Variants in KIF13A observed in about 807,000 individuals in gnomAD.
KIF13A encodes kinesin-like protein KIF13A.
Under a neutral mutation model 212.2 loss-of-function variants are expected in KIF13A, and 79 were observed. The ratio of observed to expected loss-of-function variants is 0.37; its 90% confidence interval spans 0.31 to 0.45. KIF13A has a LOEUF of 0.45. KIF13A is among the 20% of genes least tolerant of loss of function. The probability of loss-of-function intolerance (pLI) is 1.00; values close to 1 mark genes in which losing one functional copy is unlikely to be tolerated. For missense variants in KIF13A, 1,901 were observed against 2,209.0 expected, an observed-to-expected ratio of 0.86 and a Z score of 2.79; for synonymous variants, 789 against 808.6, an observed-to-expected ratio of 0.98 and a Z score of 0.41.
chr6:17,777,225 C>T lies in KIF13A; in HGVS notation c.4170+52G>A. ...GTGTGAATCCCACCTTCCCCCACCC[C>T]AGAGGCTGCGACATGTCACATAGGA... On this transcript the variant is annotated intron_variant, in intron 34 of 38. Transcript: ENST00000259711. This position sits in a 1 kb window ranked among gnomAD's most constrained non-coding sequence, Gnocchi z 4.4. 1.0e-5 allele frequency: 15 copies of T among 1,446,496 alleles called. No individual in the cohort carries two copies. Among genetic ancestry groups the T allele is most frequent in the Non-Finnish European group, 1.4e-5 (15 of 1,041,214 alleles). The allele number at this position is 1,446,496 out of a possible 1,614,324, so 89.6% of individuals were successfully genotyped here. A position where few individuals can be genotyped will look rare whatever the true frequency, so the allele number is the denominator to read the frequency against.
At chr6:17,810,924 T>C (rs1245642440) in intron 17 of KIF13A, among the ~76,000 whole-genome samples, 2 of 152,220 alleles carry the variant, frequency 1.3e-5, no homozygotes, top group Non-Finnish European at 2.9e-5. Context: ...ATTCACCTCC[T>C]GCTGTGCAGC....
rs1179321695 is a variant in KIF13A at position 17,795,788 on chromosome 6, C to T, written c.2942+881G>A. 2.6e-5 allele frequency among the ~76,000 whole-genome samples: 4 copies of T among 152,128 alleles called. No individual in the cohort carries two copies. The East Asian group carries it at 5.8e-4, about 22-fold the overall frequency. On this transcript the variant is annotated intron_variant, in intron 23 of 38. Coordinates refer to ENST00000259711, the MANE Select transcript of KIF13A (RefSeq NM_022113.6). ...TTTCATAGTGGTCTTTTGATGAGCA[C>T]ATGCTTTTAATTTTGATTAAGTCCA...
At position 17,769,223 on chromosome 6, in the gene KIF13A, C is replaced by T. The variant is rs1331332236; in HGVS notation, c.4581+1891G>A. 1.3e-5 allele frequency among the ~76,000 whole-genome samples: 2 copies of T among 152,170 alleles called. No homozygotes were observed. The highest frequency in any genetic ancestry group is 2.9e-5 in the Non-Finnish European group (2 of 68,012). On this transcript the variant is annotated intron_variant, in intron 38 of 38. Transcript: ENST00000259711. The surrounding 1 kb of genome is among the most constrained non-coding windows in gnomAD (Gnocchi z 5.8). Reference sequence around the variant, plus strand: ...AAAGTTTCCCAAAGAGAAACAAGAACCTCAGGTCAAACAAATAATGCACTT... The same window carrying T: ...AAAGTTTCCCAAAGAGAAACAAGAATCTCAGGTCAAACAAATAATGCACTT...
At chr6:17,882,134 C>A (rs1240321876) in intron 3 of KIF13A, 1 of 449,190 alleles carries the variant, frequency 2.2e-6, no homozygotes, top group Non-Finnish European at 4.5e-6. Context: ...TGCATTATCT[C>A]TGTATCCTTT....
Position 17,799,964 on chromosome 6 carries a change from C to T in KIF13A, c.2604G>A (p.Lys868=), listed in dbSNP as rs779541402. 6.2e-7 allele frequency: 1 copy of T among 1,613,812 alleles called. No homozygotes were observed. Among genetic ancestry groups the T allele is most frequent in the South Asian group, 1.1e-5 (1 of 91,076 alleles). The part of the protein sequence containing the change: ...SSGEIIHRVK[K]LTCRVKIKEA... ...ACTGTCCTCTCACCCGACATGTCAGCTTTTTGACTCGGTGAATGATTTCCC... is the reference window on the plus strand; with the variant it reads ...ACTGTCCTCTCACCCGACATGTCAGTTTTTTGACTCGGTGAATGATTTCCC... The change falls in exon 21 of 39, where the codon AAG becomes AAA. Residue 868 remains lysine (K), a synonymous_variant. Coordinates refer to ENST00000259711, the MANE Select transcript of KIF13A (RefSeq NM_022113.6). The surrounding 1 kb of genome is among the most constrained non-coding windows in gnomAD (Gnocchi z 4.4).
At chr6:17,870,651 T>C (rs1307610546) in intron 4 of KIF13A, among the ~76,000 whole-genome samples, 2 of 152,220 alleles carry the variant, frequency 1.3e-5, no homozygotes, top group Non-Finnish European at 2.9e-5. Context: ...CTGAAGTTCT[T>C]AGAATTTCCT....
chr6:17,762,008 G>T (rs1046969306), downstream of KIF13A, among the ~76,000 whole-genome samples: 13 of 152,144 alleles, frequency 8.5e-5, no homozygotes, highest in Middle Eastern at 0.01. Context: ...ACTGTATAAA[G>T]CAAAATCTTA....
intron 11 of KIF13A, among the ~76,000 whole-genome samples, chr6:17,835,193 G>C (rs1488859596): frequency 1.0e-4 from 6 of 59,200 alleles, no homozygotes; most frequent in South Asian, 7.9e-4. Context: ...ACCCGCCCCC[G>C]CCAAAAAAAA....
chr6:17,794,868 T>A lies in KIF13A; in HGVS notation c.2943-164A>T. 1.6e-6 allele frequency: 1 copy of A among 631,098 alleles called. No homozygotes were observed. Among genetic ancestry groups the A allele is most frequent in the East Asian group, 2.9e-5 (1 of 34,840 alleles). The allele number at this position is 631,098 out of a possible 1,614,324, so 39.1% of individuals were successfully genotyped here. ...TAACTCTCAAAACCAACCTGTCATATTGTTTCTTTTTATTTATTTTACTGA... is the reference window on the plus strand; with the variant it reads ...TAACTCTCAAAACCAACCTGTCATAATGTTTCTTTTTATTTATTTTACTGA... On this transcript the variant is annotated intron_variant, in intron 23 of 38. Coordinates refer to ENST00000259711, the MANE Select transcript of KIF13A (RefSeq NM_022113.6). The surrounding 1 kb of genome is among the most constrained non-coding windows in gnomAD (Gnocchi z 4.1).
At chr6:17,878,787 G>A (rs1770801292) in intron 3 of KIF13A, among the ~76,000 whole-genome samples, 1 of 152,122 alleles carries the variant, frequency 6.6e-6, no homozygotes, top group Non-Finnish European at 1.5e-5. Flanking sequence ...AAGGGCACGA[G>A]ACCATTTTCA....
At chr6:17,817,287 T>G (rs1764035667) in intron 16 of KIF13A, 54 bp from the exon 17 acceptor site, 1 of 1,523,158 alleles carries the variant, frequency 6.6e-7, no homozygotes, top group East Asian at 2.3e-5. Context: ...AAACAAGCAT[T>G]CATGCCAGGC....
At chr6:17,860,330 A>G (rs1419554372) in intron 4 of KIF13A, among the ~76,000 whole-genome samples, 2 of 151,994 alleles carry the variant, frequency 1.3e-5, no homozygotes, top group African/African-American at 4.8e-5. Flanking sequence ...CTGGGATTAT[A>G]GGGGCCCACC....
At chr6:17,930,187 G>GA (rs886307390) in intron 2 of KIF13A, among the ~76,000 whole-genome samples, 2 of 151,584 alleles carry the variant, frequency 1.3e-5, no homozygotes, top group African/African-American at 4.8e-5. Flanking sequence ...CCCTTTCCTG[G>GA]AAAAAAAAGA....
rs550658945 is a variant in KIF13A at position 17,765,608 on chromosome 6, G to A, written c.4582-662C>T. 4.4e-4 allele frequency among the ~76,000 whole-genome samples: 67 copies of A among 152,320 alleles called. 1 individual carries two copies. The South Asian group carries it at 0.012, about 27-fold the overall frequency. ...GAAGTATGAGTAGAGGGTTTGGCTAGAAGGTGAAGAAGGCATAGTGAAATT... is the reference window on the plus strand; with the variant it reads ...GAAGTATGAGTAGAGGGTTTGGCTAAAAGGTGAAGAAGGCATAGTGAAATT... On this transcript the variant is annotated intron_variant, in intron 38 of 38. Transcript: ENST00000259711.
intron 16 of KIF13A, chr6:17,822,018 G>T: frequency 8.7e-7 from 1 of 1,147,874 alleles, no homozygotes; most frequent in Non-Finnish European, 1.2e-6. Flanking sequence ...CTGGGTAAAG[G>T]ATGGGGTAGG....
chr6:17,916,456 G>T (rs1392388183), intron 2 of KIF13A, among the ~76,000 whole-genome samples: 4 of 152,184 alleles, frequency 2.6e-5, no homozygotes, highest in African/African-American at 9.7e-5. Context: ...CTAAAATAAG[G>T]TTGCAAGTTT....
In KIF13A at chr6:17,915,843, T is replaced by A. The variant is rs1169522800; in HGVS notation, c.147-17663A>T. 6.6e-6 allele frequency among the ~76,000 whole-genome samples: 1 copy of A among 151,012 alleles called. No individual in the cohort carries two copies. The highest frequency in any genetic ancestry group is 1.5e-5 in the Non-Finnish European group (1 of 67,926). On this transcript the variant is annotated intron_variant, in intron 2 of 38. Coordinates refer to ENST00000259711, the MANE Select transcript of KIF13A (RefSeq NM_022113.6). This position sits in a 1 kb window ranked among gnomAD's most constrained non-coding sequence, Gnocchi z 4.4. ...TGGGTGTGGTAGCAAGAGCCTATAGTCCCAGCTACCCAAGAGGCTGAGGTG... is the reference window on the plus strand; with the variant it reads ...TGGGTGTGGTAGCAAGAGCCTATAGACCCAGCTACCCAAGAGGCTGAGGTG...
Position 17,898,150 on chromosome 6 carries a change from T to C in KIF13A, c.159+18A>G. The stretch of plus-strand genomic sequence containing the variant: ...ACACTAAGCCAGTATACATGCCAAA[T>C]TTCATATTAGTGCTTACCTTGGGAG... On this transcript the variant is annotated intron_variant, in intron 3 of 38. Transcript: ENST00000259711. The surrounding 1 kb of genome is among the most constrained non-coding windows in gnomAD (Gnocchi z 5.2). The C allele has an allele frequency of 6.2e-7, 1 of 1,612,416 alleles. No individual in the cohort carries two copies. The highest frequency in any genetic ancestry group is 8.5e-7 in the Non-Finnish European group (1 of 1,179,052).
At chr6:17,833,321 A>C (rs12523811) in intron 12 of KIF13A, among the ~76,000 whole-genome samples, 67,631 of 150,002 alleles carry the variant, frequency 0.45, 15,769 homozygotes, top group South Asian at 0.54. Context: ...AAATAAGACC[A>C]CAGCTCTACA....
Sources: gnomAD v4.1 joint callset for allele counts (sites outside exome capture counted in the v4.1 genomes callset) on GRCh38, gnomAD v4.1.1 for gene constraint, Gnocchi (gnomAD v3.1) non-coding constraint, MANE v1.5 for transcripts, NCBI Gene and HGNC (gene_info 2026-07-23, HGNC 2026-07-21) for gene names.